Variants in CALCRL observed in about 807,000 individuals in gnomAD.
CALCRL encodes the protein calcitonin gene-related peptide type 1 receptor.
CALCRL carries 27 observed loss-of-function variants against 60.4 expected under a neutral mutation model. The ratio of observed to expected loss-of-function variants is 0.45; its 90% confidence interval spans 0.33 to 0.62. CALCRL has a LOEUF of 0.62. Among genes scored for constraint, CALCRL ranks in the 20% least tolerant of loss-of-function variants. The pLI is 0.03. For missense variants in CALCRL, 424 were observed against 540.7 expected, an observed-to-expected ratio of 0.78 and a Z score of 2.14; for synonymous variants, 190 against 182.6, an observed-to-expected ratio of 1.04 and a Z score of -0.33.
chr2:187,428,521 A>G (rs1020296256), intron 1 of CALCRL: 5 of 152,248 alleles, frequency 3.3e-5, no homozygotes, highest in African/African-American at 1.2e-4. Flanking sequence ...ACTCTGAGAA[A>G]TAGGACAGTG....
rs965728760 is a variant in CALCRL, at chr2:187,426,245, T to A, written c.-293+21794A>T. 5.9e-5 allele frequency among the ~76,000 whole-genome samples: 9 copies of A among 151,482 alleles called. No homozygotes were observed. The South Asian group carries it at 6.2e-4, about 11-fold the overall frequency. On this transcript the variant is annotated intron_variant, in intron 1 of 14. Coordinates refer to ENST00000392370, the MANE Select transcript of CALCRL (RefSeq NM_005795.6). Reference sequence around the variant, plus strand: ...GTTATGGTGTCTGTCATTTATTATTTTTTTTTTTTGCAGACGTGTGCATTG... The same window carrying A: ...GTTATGGTGTCTGTCATTTATTATTATTTTTTTTTGCAGACGTGTGCATTG...
chr2:187,393,817 T>G (rs570262147), intron 1 of CALCRL, among the ~76,000 whole-genome samples: 2 of 152,230 alleles, frequency 1.3e-5, no homozygotes, highest in Admixed American at 1.3e-4. Flanking sequence ...TCATCTTGCT[T>G]GGGGACCAGG....
intron 12 of CALCRL, among the ~76,000 whole-genome samples, chr2:187,356,858 T>G (rs1686815305): frequency 6.6e-6 from 1 of 152,162 alleles, no homozygotes; most frequent in African/African-American, 2.4e-5. Context: ...GAACAGGCAC[T>G]TCTCAAAAGA....
chr2:187,369,458 T>C (rs1559046465), intron 8 of CALCRL, among the ~76,000 whole-genome samples: 1 of 152,128 alleles, frequency 6.6e-6, no homozygotes, highest in African/African-American at 2.4e-5. Flanking sequence ...CTCCTTGAAG[T>C]ATTATTGTCT....
chr2:187,371,977 C>A (rs751513936), intron 8 of CALCRL, among the ~76,000 whole-genome samples: 2 of 152,014 alleles, frequency 1.3e-5, no homozygotes, highest in Non-Finnish European at 2.9e-5. Flanking sequence ...ATTGAGAATG[C>A]TTTGGTCTAC....
intron 1 of CALCRL, among the ~76,000 whole-genome samples, chr2:187,399,501 T>C (rs2105819858): frequency 6.6e-6 from 1 of 151,520 alleles, no homozygotes; most frequent in East Asian, 1.9e-4. Flanking sequence ...GTAAATTAGA[T>C]GACATATAAA....
intron 10 of CALCRL, 65 bp downstream of exon 10, chr2:187,360,533 A>G: frequency 7.3e-7 from 1 of 1,375,558 alleles, no homozygotes; most frequent in Non-Finnish European, 9.9e-7. Context: ...ATTACAAAGG[A>G]ACCTGGCATC....
At chr2:187,395,350 A>T (rs1688610174) in intron 1 of CALCRL, among the ~76,000 whole-genome samples, 1 of 152,080 alleles carries the variant, frequency 6.6e-6, no homozygotes, top group African/African-American at 2.4e-5. Context: ...TACTCATCAA[A>T]CACATTTATA....
chr2:187,398,053 T>G (rs2105817075), intron 1 of CALCRL, among the ~76,000 whole-genome samples: 1 of 151,718 alleles, frequency 6.6e-6, no homozygotes, highest in South Asian at 2.1e-4. Context: ...TCCGGTGATT[T>G]TAGTCACCCT....
chr2:187,440,674 T>G (rs1267350499), intron 1 of CALCRL, among the ~76,000 whole-genome samples: 1 of 152,148 alleles, frequency 6.6e-6, no homozygotes, highest in Non-Finnish European at 1.5e-5. Flanking sequence ...TGAAGAATGC[T>G]TGTGTTATAT....
intron 14 of CALCRL, among the ~76,000 whole-genome samples, chr2:187,350,720 T>C (rs1014543357): frequency 1.4e-4 from 21 of 151,848 alleles, no homozygotes; most frequent in Middle Eastern, 3.4e-3. Context: ...TTTTTCATGA[T>C]GTGTGCATGA....
intron 1 of CALCRL, among the ~76,000 whole-genome samples, chr2:187,392,829 G>A (rs896846967): frequency 2.6e-5 from 4 of 151,948 alleles, no homozygotes; most frequent in Admixed American, 6.6e-5. Flanking sequence ...TTGGTTCCCC[G>A]AATTGTTGGG....
chr2:187,424,714 T>C (rs1031015254), intron 1 of CALCRL, among the ~76,000 whole-genome samples: 1 of 151,930 alleles, frequency 6.6e-6, no homozygotes, highest in South Asian at 2.1e-4. Flanking sequence ...AATGGCAGAT[T>C]TGAAACCGTG....
At chr2:187,361,093 AT>A (rs1222606738) in intron 9 of CALCRL, among the ~76,000 whole-genome samples, 25 of 152,184 alleles carry the variant, frequency 1.6e-4, no homozygotes, top group Admixed American at 3.9e-4. Flanking sequence ...ACTTATTTAT[AT>A]CATCATGAAT....
chr2:187,440,835 C>A (rs1690873865), intron 1 of CALCRL, among the ~76,000 whole-genome samples: 1 of 151,808 alleles, frequency 6.6e-6, no homozygotes. Context: ...AACAGGAAAT[C>A]CTTTTGGAAA....
chr2:187,445,173 C>T (rs1467551268), intron 1 of CALCRL, among the ~76,000 whole-genome samples: 1 of 151,496 alleles, frequency 6.6e-6, no homozygotes, highest in Non-Finnish European at 1.5e-5. Flanking sequence ...CTGATTAAGT[C>T]AAAACTAAGA....
chr2:187,399,711 A>G (rs1247093603), intron 1 of CALCRL, among the ~76,000 whole-genome samples: 1 of 151,630 alleles, frequency 6.6e-6, no homozygotes, highest in Non-Finnish European at 1.5e-5. Flanking sequence ...CTGAGTGTCC[A>G]TCAGCAGATG....
At chr2:187,388,735 T>TA (rs1358992111) in intron 1 of CALCRL, among the ~76,000 whole-genome samples, 1 of 152,162 alleles carries the variant, frequency 6.6e-6, no homozygotes, top group Non-Finnish European at 1.5e-5. Context: ...TATTTTATTT[T>TA]AAATTGATTA....
At chr2:187,434,759 C>G (rs1419864999) in intron 1 of CALCRL, among the ~76,000 whole-genome samples, 1 of 152,114 alleles carries the variant, frequency 6.6e-6, no homozygotes, top group Non-Finnish European at 1.5e-5. Context: ...CAATGGAACA[C>G]TGTAATAGTG....
Sources: gnomAD v4.1 joint callset for allele counts (sites outside exome capture counted in the v4.1 genomes callset) on GRCh38, gnomAD v4.1.1 for gene constraint, MANE v1.5 for transcripts, NCBI Gene and HGNC (gene_info 2026-07-23, HGNC 2026-07-21) for gene names.